The following HEATR1 variants were observed in gnomAD, a reference collection of about 807,000 sequenced individuals.
HEATR1 encodes the protein HEAT repeat containing 1.
A neutral mutation model predicts 248.2 loss-of-function variants in HEATR1; 77 were observed. The observed-to-expected ratio is 0.31, with a 90% CI of 0.26 to 0.37. The LOEUF is 0.37. Among genes scored for constraint, HEATR1 ranks in the 10% least tolerant of loss-of-function variants. The probability of loss-of-function intolerance (pLI) is 1.00; values close to 1 mark genes in which losing one functional copy is unlikely to be tolerated. For synonymous variants in HEATR1, 897 were observed against 923.1 expected (o/e 0.97, Z 0.51); for missense variants, 2,420 against 2,504.9 (o/e 0.97, Z 0.72).
chr1:236,558,854 T>C, intron 35 of HEATR1, 141 bp downstream of exon 35: 1 of 790,152 alleles, frequency 1.3e-6, no homozygotes, highest in Non-Finnish European at 2.0e-6. Flanking sequence ...CGTCACATTT[T>C]AAAACATGTC....
chr1:236,581,519 G>T, intron 19 of HEATR1, 105 bp from the exon 20 acceptor site: 1 of 796,144 alleles, frequency 1.3e-6, no homozygotes, highest in Non-Finnish European at 1.9e-6. Flanking sequence ...AATAATTTAA[G>T]GCAAAGTTTT....
chr1:236,595,125 T>C (rs2103153532), intron 8 of HEATR1, among the ~76,000 whole-genome samples: 1 of 152,348 alleles, frequency 6.6e-6, no homozygotes, highest in East Asian at 1.9e-4. Context: ...AAAAATTTTC[T>C]TGGTCTTATA....
chr1:236,587,433 G>C lies in HEATR1; in HGVS notation c.1684C>G (p.Gln562Glu), dbSNP rs1453439911. Residue 562 changes from glutamine (Q) to glutamate (E), a missense_variant, in exon 14 of 45, where the codon CAA becomes GAA. Transcript: ENST00000366582. Reference protein sequence around the residue: ...VTISNLLNLFQRAELSKNGEW... With the variant: ...VTISNLLNLFERAELSKNGEW... ...CCATTCTTTGAAAGTTCTGCTCTTT[G>C]AAAGAGATTCAGAAGATTTGAAATC... 2 of 1,535,252 alleles carry C rather than the reference G, an allele frequency of 1.3e-6. No individual in the cohort carries two copies. Among genetic ancestry groups the C allele is most frequent in the Admixed American group, 3.7e-5 (2 of 54,270 alleles).
chr1:236,553,722 C>G lies in HEATR1; in HGVS notation c.6096G>C (p.Gly2032=). ...CCCGTTCCTGGAATTTCTCTTCTCC[C>G]CCAAGCCTGTTTTCCAGCTAGGAAG... is the stretch of plus-strand genomic sequence containing the variant. The part of the protein sequence containing the change: ...PLVDQLENRL[G]GEEKFQERVT... The change falls in exon 43 of 45, where the codon GGG becomes GGC. Residue 2032 remains glycine (G), a synonymous_variant. Coordinates refer to ENST00000366582, the MANE Select transcript of HEATR1 (RefSeq NM_018072.6). 1 of 1,612,062 alleles carries G rather than the reference C, an allele frequency of 6.2e-7. No homozygotes were observed. Among genetic ancestry groups the G allele is most frequent in the Non-Finnish European group, 8.5e-7 (1 of 1,178,988 alleles).
rs1664218096 is a variant in HEATR1 at position 236,597,887 on chromosome 1, T to C, written c.594A>G (p.Lys198=). The change falls in exon 5 of 45, where the codon AAA becomes AAG. Residue 198 remains lysine, a synonymous_variant. Transcript: ENST00000366582. Reference sequence around the variant, plus strand: ...GAAACAGACTGCTCACCTTCACAGATTTTGTCACCAAACTGCAAATGAAAT... The same window carrying C: ...GAAACAGACTGCTCACCTTCACAGACTTTGTCACCAAACTGCAAATGAAAT... The part of the protein sequence containing the change: ...FMDFICSLVT[K]SVKVFAEYPG... 1 of 1,611,518 alleles carries C rather than the reference T, an allele frequency of 6.2e-7. No individual in the cohort carries two copies. The highest frequency in any genetic ancestry group is 2.2e-5 in the East Asian group (1 of 44,836).
intron 32 of HEATR1, among the ~76,000 whole-genome samples, chr1:236,562,137 A>G (rs950098084): frequency 6.6e-6 from 1 of 152,100 alleles, no homozygotes; most frequent in Non-Finnish European, 1.5e-5. Flanking sequence ...ATTTAATCAC[A>G]TTTCCTGCTT....
rs556046201 is a variant in HEATR1 at position 236,583,023 on chromosome 1, A to C, written c.2415T>G (p.Ser805=). 1 of 1,613,540 alleles carries C rather than the reference A, an allele frequency of 6.2e-7. No homozygotes were observed. Among genetic ancestry groups the C allele is most frequent in the South Asian group, 1.1e-5 (1 of 91,054 alleles). ...KFIYALKAPK[S]FPKGDIWWNP... ...CAGCTTGTATCTTACCTTTAGGAAA[A>C]GATTTAGGAGCTTTCAGTGCATAAA... The change falls in exon 18 of 45, where the codon TCT becomes TCG. Residue 805 remains serine (S), a synonymous_variant. Transcript: ENST00000366582.
At chr1:236,571,275 C>T in intron 28 of HEATR1, 76 bp downstream of exon 28, 1 of 1,491,388 alleles carries the variant, frequency 6.7e-7, no homozygotes, top group South Asian at 1.4e-5. Flanking sequence ...AATTTAAAAT[C>T]AACAGGTGCC....
chr1:236,559,673 C>A, intron 34 of HEATR1, 41 bp downstream of exon 34: 3 of 1,551,896 alleles, frequency 1.9e-6, no homozygotes, highest in Non-Finnish European at 2.6e-6. Context: ...ATTTAAAAAA[C>A]AGCAACAAAA....
At chr1:236,557,435 A>G (rs1378245219) in intron 36 of HEATR1, 90 bp from the exon 37 acceptor site, 2 of 1,359,544 alleles carry the variant, frequency 1.5e-6, no homozygotes, top group East Asian at 4.7e-5. Flanking sequence ...AAACCAGCAA[A>G]CTGTGCCTAT....
At chr1:236,597,058 G>A (rs1664195946) in intron 5 of HEATR1, 82 bp from the exon 6 acceptor site, 11 of 1,340,992 alleles carry the variant, frequency 8.2e-6, no homozygotes, top group Non-Finnish European at 1.1e-5. Flanking sequence ...GTTCAAGGCT[G>A]AGATTTCAAT....
chr1:236,550,934 C>A lies in HEATR1; in HGVS notation c.6403G>T (p.Val2135Phe). 4 of 1,607,232 alleles carry A rather than the reference C, an allele frequency of 2.5e-6. No homozygotes were observed. In the East Asian group the frequency reaches 6.7e-5, roughly 27 times the overall value. Residue 2135 changes from valine (V) to phenylalanine (F), a missense_variant, in exon 45 of 45, where the codon GTC (valine) becomes TTC (phenylalanine). Physicochemically the swap from Val to Phe is conservative, Grantham distance 50. Transcript: ENST00000366582. ...CQKTIQQLETVLGEPLQSYF is the reference protein window; with the variant it reads ...CQKTIQQLETFLGEPLQSYF ...TAGCTCTGGAGTGGCTCTCCCAGGA[C>A]AGTTTCCAGTTGCTGAATAGTCTTT...
intron 4 of HEATR1, 34 bp downstream of exon 4, chr1:236,599,449 A>G: frequency 6.4e-7 from 1 of 1,569,378 alleles, no homozygotes; most frequent in Non-Finnish European, 8.7e-7. Flanking sequence ...AAGATCTGTA[A>G]TGATTACAGA....
At chr1:236,554,789 G>C (rs760339138) in intron 41 of HEATR1, 37 bp from the exon 42 acceptor site, 2 of 1,547,672 alleles carry the variant, frequency 1.3e-6, no homozygotes, top group Admixed American at 2.0e-5. Context: ...AAAAAACACT[G>C]AACTTAACCA....
At chr1:236,559,160 A>G in intron 34 of HEATR1, 25 bp from the exon 35 acceptor site, 1 of 1,527,308 alleles carries the variant, frequency 6.5e-7, no homozygotes, top group Non-Finnish European at 8.8e-7. Context: ...TATATTTAAC[A>G]TGAAAAGAAA....
intron 11 of HEATR1, 148 bp from the exon 12 acceptor site, chr1:236,591,102 A>C (rs918393136): frequency 1.5e-5 from 6 of 398,896 alleles, no homozygotes; most frequent in South Asian, 1.4e-4. Flanking sequence ...AAAATGCAAA[A>C]TCTTTGTTTC....
rs781421873 is a variant in HEATR1 at position 236,572,748 on chromosome 1, T to C, written c.3540A>G (p.Lys1180=). The change falls in exon 25 of 45, where the codon AAA becomes AAG. Residue 1180 remains lysine (K), a synonymous_variant. Transcript: ENST00000366582. The part of the protein sequence containing the change: ...KAKPLGTVQQ[K]RRQKMQQKKS... ...ACTTCTGCTGCATTTTTTGCCTTCTTTTTTGCTGAACTGTGCCCAAGGGTT... is the reference window on the plus strand; with the variant it reads ...ACTTCTGCTGCATTTTTTGCCTTCTCTTTTGCTGAACTGTGCCCAAGGGTT... 1 of 1,614,074 alleles carries C rather than the reference T, an allele frequency of 6.2e-7. No individual in the cohort carries two copies. The highest frequency in any genetic ancestry group is 1.1e-5 in the South Asian group (1 of 91,080).
intron 32 of HEATR1, among the ~76,000 whole-genome samples, chr1:236,561,904 A>C (rs1268239213): frequency 6.6e-6 from 1 of 152,206 alleles, no homozygotes; most frequent in East Asian, 1.9e-4. Context: ...ATAATGCTAG[A>C]GAAGAACATT....
chr1:236,554,325 G>A (rs1008220214), intron 42 of HEATR1, among the ~76,000 whole-genome samples: 1 of 152,168 alleles, frequency 6.6e-6, no homozygotes, highest in Admixed American at 6.5e-5. Context: ...CCGGGAGGTG[G>A]AGGTTGCAGC....
Sources: gnomAD v4.1 joint callset for allele counts (sites outside exome capture counted in the v4.1 genomes callset) on GRCh38, gnomAD v4.1.1 for gene constraint, MANE v1.5 for transcripts, NCBI Gene and HGNC (gene_info 2026-07-23, HGNC 2026-07-21) for gene names.